RIN2: variants seen among roughly 807,000 people sequenced by gnomAD.
The protein encoded by RIN2 is RAB5 interacting protein 2.
RIN2 carries 36 observed loss-of-function variants against 78.0 expected under a neutral mutation model. The ratio of observed to expected loss-of-function variants is 0.46; its 90% confidence interval spans 0.35 to 0.61. The LOEUF is 0.61. Ranked by LOEUF, RIN2 falls within the 20% of genes least tolerant of loss-of-function variation. The probability of loss-of-function intolerance (pLI) is 0.00; values close to 1 mark genes in which losing one functional copy is unlikely to be tolerated. For missense variants in RIN2, 1,087 were observed against 1,159.7 expected (o/e 0.94, Z 0.91); for synonymous variants, 466 against 466.8 (o/e 1.00, Z 0.02).
rs146441577 is a variant in RIN2 at position 19,924,190 on chromosome 20, C to CT, written c.58-10909_58-10908insT. On this transcript the variant is annotated intron_variant, in intron 3 of 12. Transcript: ENST00000255006. ...CCACCTTCATACCCACACCTTCATACCCCACCTTCATACCCCCAACTTTCA... is the reference window on the plus strand; with the variant it reads ...CCACCTTCATACCCACACCTTCATACTCCCACCTTCATACCCCCAACTTTCA... Among the ~76,000 whole-genome samples the CT allele has an allele frequency of 1.9e-3, 101 of 53,862 alleles. 4 individuals are homozygous for CT. The highest frequency in any genetic ancestry group is 4.0e-3 in the East Asian group (4 of 1,012). The allele number at this position is 53,862 out of a possible 152,430, so 35.3% of individuals were successfully genotyped here.
At chr20:19,921,004 T>TTTGC (rs1324506680) in intron 3 of RIN2, among the ~76,000 whole-genome samples, 3,832 of 152,258 alleles carry the variant, frequency 0.025, 161 homozygotes, top group African/African-American at 0.087. Context: ...TGTTTGTTTG[T>TTTGC]TTGTTTGTTT....
intron 9 of RIN2, among the ~76,000 whole-genome samples, chr20:19,987,300 A>G (rs946560579): frequency 5.9e-5 from 9 of 152,236 alleles, no homozygotes; most frequent in African/African-American, 1.2e-4. Context: ...AATGACTGAC[A>G]TGGCCTTTGT....
chr20:19,888,463 T>A (rs2038293921), intron 2 of RIN2, among the ~76,000 whole-genome samples: 2 of 152,226 alleles, frequency 1.3e-5, no homozygotes, highest in Admixed American at 6.5e-5. Context: ...GCCACTCAGC[T>A]AATAATGAAA....
intron 3 of RIN2, among the ~76,000 whole-genome samples, chr20:19,909,561 C>T (rs1348595957): frequency 2.0e-5 from 3 of 152,094 alleles, no homozygotes; most frequent in Non-Finnish European, 4.4e-5. Context: ...CACTCTGCAC[C>T]CTACTCCCCG....
intron 2 of RIN2, among the ~76,000 whole-genome samples, chr20:19,812,676 C>T (rs888857773): frequency 2.0e-5 from 3 of 151,996 alleles, no homozygotes; most frequent in African/African-American, 7.3e-5. Flanking sequence ...CACTGCAGCA[C>T]CCCCCCATTC....
In RIN2 at chr20:19,844,633, CTT is replaced by C. The variant is rs796272922; in HGVS notation, c.-37+44887_-37+44888del. Among the ~76,000 whole-genome samples, 518 of 130,680 alleles carry C rather than the reference CTT, an allele frequency of 4.0e-3. 10 individuals are homozygous for C. Among genetic ancestry groups the C allele is most frequent in the East Asian group, 5.7e-3 (26 of 4,594 alleles). The allele number at this position is 130,680 out of a possible 152,430, so 85.7% of individuals were successfully genotyped here. A position where few individuals can be genotyped will look rare whatever the true frequency, so the allele number is the denominator to read the frequency against. ...TCTTCTTCTTCTTCTTCTTCTTCTT[CTT>C]CTTCTTCTTCTTCTTCTTCTTCTTC... is the stretch of plus-strand genomic sequence containing the variant. On this transcript the variant is annotated intron_variant, in intron 2 of 12. Coordinates refer to ENST00000255006, the MANE Select transcript of RIN2 (RefSeq NM_018993.4).
chr20:19,824,239 G>A (rs1038705186), intron 2 of RIN2, among the ~76,000 whole-genome samples: 1 of 152,170 alleles, frequency 6.6e-6, no homozygotes, highest in African/African-American at 2.4e-5. Flanking sequence ...TTGCTACCAC[G>A]CCTTATCAGC....
At chr20:19,876,035 C>T (rs980807117) in intron 2 of RIN2, among the ~76,000 whole-genome samples, 2 of 152,078 alleles carry the variant, frequency 1.3e-5, no homozygotes, top group Non-Finnish European at 2.9e-5. Context: ...GAAGAGGGAG[C>T]GAGGACTTCA....
At chr20:19,855,481 G>T (rs948615051) in intron 2 of RIN2, among the ~76,000 whole-genome samples, 6 of 152,106 alleles carry the variant, frequency 3.9e-5, no homozygotes, top group African/African-American at 1.2e-4. Flanking sequence ...CATACCTCTG[G>T]TAGAATTCAG....
intron 2 of RIN2, among the ~76,000 whole-genome samples, chr20:19,835,160 A>AAGGT (rs1367201424): frequency 6.7e-6 from 1 of 148,934 alleles, no homozygotes; most frequent in African/African-American, 2.5e-5. Context: ...GGAAGGAAGG[A>AAGGT]ATGAAGGGAA....
intron 2 of RIN2, among the ~76,000 whole-genome samples, chr20:19,819,139 C>T (rs1204349690): frequency 1.3e-5 from 2 of 152,136 alleles, no homozygotes; most frequent in Admixed American, 1.3e-4. Context: ...CTCAGGCTGC[C>T]GTAACAAAAT....
At chr20:19,921,397 C>T (rs1387748940) in intron 3 of RIN2, among the ~76,000 whole-genome samples, 3 of 152,118 alleles carry the variant, frequency 2.0e-5, no homozygotes, top group Non-Finnish European at 2.9e-5. Context: ...GGATTGGATC[C>T]GAGCTCCGCC....
intron 1 of RIN2, among the ~76,000 whole-genome samples, chr20:19,762,785 T>G (rs899062975): frequency 2.0e-4 from 31 of 152,008 alleles, no homozygotes; most frequent in Admixed American, 6.6e-4. Flanking sequence ...TATTTAGAGA[T>G]AGAGTTTCGC....
At chr20:19,768,905 T>C (rs1335802261) in intron 1 of RIN2, among the ~76,000 whole-genome samples, 1 of 151,302 alleles carries the variant, frequency 6.6e-6, no homozygotes, top group Non-Finnish European at 1.5e-5. Flanking sequence ...TTCTTGGAAA[T>C]ACTTTGCTTT....
intron 10 of RIN2, among the ~76,000 whole-genome samples, chr20:19,991,604 A>G (rs2042800150): frequency 1.3e-5 from 2 of 152,212 alleles, no homozygotes; most frequent in East Asian, 3.9e-4. Flanking sequence ...AGAAAACTAG[A>G]AGTAAACACT....
intron 3 of RIN2, among the ~76,000 whole-genome samples, chr20:19,899,937 A>G (rs1293517171): frequency 6.6e-6 from 1 of 152,204 alleles, no homozygotes; most frequent in Non-Finnish European, 1.5e-5. Flanking sequence ...CAACATAGAA[A>G]AACAGCTCAG....
At chr20:19,808,808 G>C (rs2035495718) in intron 2 of RIN2, among the ~76,000 whole-genome samples, 3 of 152,224 alleles carry the variant, frequency 2.0e-5, no homozygotes, top group South Asian at 2.1e-4. Context: ...CCTGGGACTA[G>C]TGCCAGCGAC....
At chr20:19,902,003 G>A (rs1600739602) in intron 3 of RIN2, among the ~76,000 whole-genome samples, 1 of 117,922 alleles carries the variant, frequency 8.5e-6, no homozygotes, top group African/African-American at 3.3e-5. Context: ...GCGACAGAAC[G>A]AGACTCTGTC....
chr20:19,844,669 C>CTTCTTCTTCTTCCTCTT (rs1232176696), intron 2 of RIN2, among the ~76,000 whole-genome samples: 5 of 76,246 alleles, frequency 6.6e-5, no homozygotes, highest in African/African-American at 3.1e-4. Context: ...TCTTCTTCTT[C>CTTCTTCTTCTTCCTCTT]CTTCTTCTTC....
Sources: gnomAD v4.1 joint callset for allele counts (sites outside exome capture counted in the v4.1 genomes callset) on GRCh38, gnomAD v4.1.1 for gene constraint, MANE v1.5 for transcripts, NCBI Gene and HGNC (gene_info 2026-07-23, HGNC 2026-07-21) for gene names.